The following CENPE variants were observed in gnomAD, a reference collection of about 807,000 sequenced individuals.
The protein encoded by CENPE is centromere protein E, also known as centromere-associated protein E.
CENPE carries 145 observed loss-of-function variants against 336.1 expected under a neutral mutation model. The observed-to-expected ratio is 0.43, with a 90% confidence interval of 0.38 to 0.50. The LOEUF (loss-of-function observed/expected upper bound fraction) is 0.50, where lower values mean the gene tolerates loss of function less well. Among genes scored for constraint, CENPE ranks in the 20% least tolerant of loss-of-function variants. The probability of loss-of-function intolerance (pLI) is 0.00; values close to 1 mark genes in which losing one functional copy is unlikely to be tolerated. For synonymous variants in CENPE, 1,013 were observed against 984.8 expected (o/e 1.03, Z -0.54); for missense variants, 2,719 against 3,023.3 (o/e 0.90, Z 2.36).
chr4:103,110,470 C>G (rs1031103194), intron 47 of CENPE, among the ~76,000 whole-genome samples: 12 of 152,010 alleles, frequency 7.9e-5, no homozygotes, highest in Non-Finnish European at 8.8e-5. Flanking sequence ...TTTGTTAGAT[C>G]TGTTTATAAA....
At chr4:103,163,328 T>A (rs533215862) in intron 17 of CENPE, 72 bp from the exon 18 acceptor site, 29 of 1,367,838 alleles carry the variant, frequency 2.1e-5, no homozygotes, top group Non-Finnish European at 2.8e-5. Flanking sequence ...ACAGAACTTA[T>A]ATATATTAGT....
At chr4:103,180,176 T>C in intron 13 of CENPE, 135 bp downstream of exon 13, 2 of 691,030 alleles carry the variant, frequency 2.9e-6, no homozygotes, top group Non-Finnish European at 4.3e-6. Context: ...TTAGGTACTA[T>C]GAAACACAAA....
chr4:103,187,556 T>C (rs1456330995), intron 8 of CENPE, among the ~76,000 whole-genome samples: 1 of 152,126 alleles, frequency 6.6e-6, no homozygotes, highest in Non-Finnish European at 1.5e-5. Flanking sequence ...CTAAGCTTCA[T>C]AAGTGAAGGA....
intron 8 of CENPE, among the ~76,000 whole-genome samples, chr4:103,186,331 C>T (rs1756766571): frequency 6.6e-6 from 1 of 152,162 alleles, no homozygotes; most frequent in South Asian, 2.1e-4. Context: ...CAAAGATTAT[C>T]TCCTCAGCAT....
rs1374599579 is a variant in CENPE at position 103,143,240 on chromosome 4, T to A, written c.5304+8A>T. 1.9e-6 allele frequency: 3 copies of A among 1,567,080 alleles called. No individual in the cohort carries two copies. The stretch of plus-strand genomic sequence containing the variant: ...CTCAGTAACTGAGATAACTTAAAAA[T>A]AAAATACCTGTGCTTTTAAGGCATC... On this transcript the variant is annotated splice_region_variant and intron_variant, in intron 34 of 48. Transcript: ENST00000265148.
At chr4:103,173,740 C>T (rs146970018) in intron 16 of CENPE, among the ~76,000 whole-genome samples, 227 of 151,986 alleles carry the variant, frequency 1.5e-3, no homozygotes, top group East Asian at 0.011. Context: ...CCTGAACAGA[C>T]GTTTCTCAAA....
At chr4:103,163,632 G>GA (rs1251368509) in intron 16 of CENPE, 79 bp from the exon 17 acceptor site, 28 of 600,188 alleles carry the variant, frequency 4.7e-5, no homozygotes, top group East Asian at 1.0e-4. Flanking sequence ...AAAAGAAAAA[G>GA]AAAAAAAAGG....
chr4:103,177,397 T>A (rs539269853), intron 13 of CENPE, among the ~76,000 whole-genome samples: 2 of 152,158 alleles, frequency 1.3e-5, no homozygotes, highest in African/African-American at 4.8e-5. Flanking sequence ...CTCTTAAGTG[T>A]GTTTCTCCAG....
At chr4:103,194,473 T>C (rs779290033) in intron 6 of CENPE, 32 bp from the exon 7 acceptor site, 21 of 1,517,992 alleles carry the variant, frequency 1.4e-5, no homozygotes, top group Non-Finnish European at 1.9e-5. Context: ...CAGCTGCATA[T>C]ATAATAAAAT....
chr4:103,195,068 T>TCAG, intron 5 of CENPE, 46 bp downstream of exon 5: 1 of 1,490,654 alleles, frequency 6.7e-7, no homozygotes, highest in South Asian at 1.4e-5. Context: ...AACAATAATC[T>TCAG]CAATAAGTCA....
At chr4:103,125,273 TATA>T (rs1750990189) in intron 42 of CENPE, among the ~76,000 whole-genome samples, 4 of 152,248 alleles carry the variant, frequency 2.6e-5, no homozygotes, top group African/African-American at 7.2e-5. Flanking sequence ...TTTTGGAAAC[TATA>T]ATATTAATCT....
At chr4:103,120,434 TCA>T (rs1750523356) in intron 43 of CENPE, 101 bp from the exon 44 acceptor site, 4 of 965,692 alleles carry the variant, frequency 4.1e-6, no homozygotes, top group African/African-American at 1.7e-5. Flanking sequence ...TGTTAATTTT[TCA>T]CAGATTGTAT....
At chr4:103,173,430 C>T (rs557304975) in intron 16 of CENPE, among the ~76,000 whole-genome samples, 33 of 152,052 alleles carry the variant, frequency 2.2e-4, no homozygotes, top group South Asian at 8.3e-4. Context: ...AGTGGAAATG[C>T]TTCATAACAT....
chr4:103,131,420 T>G (rs1201517468), intron 42 of CENPE, among the ~76,000 whole-genome samples: 3 of 152,184 alleles, frequency 2.0e-5, no homozygotes, highest in Admixed American at 6.5e-5. Context: ...TTACTACACT[T>G]ACTAGAATGG....
At chr4:103,133,944 G>A in intron 40 of CENPE, 52 bp from the exon 41 acceptor site, 2 of 1,189,010 alleles carry the variant, frequency 1.7e-6, no homozygotes, top group Non-Finnish European at 2.4e-6. Flanking sequence ...GTCACATGTA[G>A]AGAAAGTTTT....
At chr4:103,190,804 T>G (rs182600296) in intron 8 of CENPE, among the ~76,000 whole-genome samples, 35 of 152,158 alleles carry the variant, frequency 2.3e-4, no homozygotes, top group Admixed American at 3.9e-4. Flanking sequence ...GGGATCTAAG[T>G]AAACTAAAGA....
rs1486339870 is a variant in CENPE, at chr4:103,194,513, C to A, written c.560-72G>T. On this transcript the variant is annotated intron_variant, in intron 6 of 48. Transcript: ENST00000265148. ...AGAAACACAATAATTTTTATTTTAA[C>A]TTAAAAAAGTATGATTTGAGGTCCA... is the stretch of plus-strand genomic sequence containing the variant. The A allele has an allele frequency of 6.9e-6, 10 of 1,459,072 alleles. No individual in the cohort carries two copies. The East Asian group carries it at 2.1e-4, about 31-fold the overall frequency. 90.4% of individuals were successfully genotyped at this position (1,459,072 alleles called of 1,614,324 possible). A position where few individuals can be genotyped will look rare whatever the true frequency, so the allele number is the denominator to read the frequency against.
In CENPE at chr4:103,140,715, T is replaced by C. The variant is rs990888056; in HGVS notation, c.5754+99A>G. On this transcript the variant is annotated intron_variant, in intron 36 of 48. Transcript: ENST00000265148. Reference sequence around the variant, plus strand: ...TATTATTGGTGGACACTTAGATTATTTCTAGGTTTTAGTCACCAGACACAA... The same window carrying C: ...TATTATTGGTGGACACTTAGATTATCTCTAGGTTTTAGTCACCAGACACAA... 1.1e-5 allele frequency: 11 copies of C among 966,766 alleles called. No individual in the cohort carries two copies. The Admixed American group carries it at 2.5e-4, about 22-fold the overall frequency. 59.9% of individuals were successfully genotyped at this position (966,766 alleles called of 1,614,324 possible). A position where few individuals can be genotyped will look rare whatever the true frequency, so the allele number is the denominator to read the frequency against.
chr4:103,165,206 T>C (rs1388477752), intron 16 of CENPE, among the ~76,000 whole-genome samples: 1 of 152,148 alleles, frequency 6.6e-6, no homozygotes, highest in African/African-American at 2.4e-5. Context: ...AGTTAATCCA[T>C]TGCTACCATT....
Sources: allele counts gnomAD v4.1 joint callset (sites outside exome capture counted in the v4.1 genomes callset), GRCh38; gene constraint gnomAD v4.1.1; transcripts MANE v1.5; gene names NCBI Gene and HGNC (gene_info 2026-07-23, HGNC 2026-07-21).